CSMD1: variants seen among roughly 807,000 people sequenced by gnomAD.
The protein encoded by CSMD1 is CUB and sushi domain-containing protein 1.
Under a neutral mutation model 417.5 loss-of-function variants are expected in CSMD1, and 213 were observed. The observed-to-expected ratio is 0.51, with a 90% confidence interval of 0.46 to 0.57. The LOEUF (loss-of-function observed/expected upper bound fraction) is 0.57. CSMD1 is among the 20% of genes least tolerant of loss of function. The pLI, the probability that CSMD1 is intolerant of heterozygous loss-of-function variation, is 0.00. For missense variants in CSMD1, 6,923 were observed against 4,529.7 expected (o/e 1.53, Z -15.17); for synonymous variants, 2,862 against 1,736.8 (o/e 1.65, Z -16.11).
intron 2 of CSMD1, among the ~76,000 whole-genome samples, chr8:4,570,283 C>T (rs901978398): frequency 1.3e-5 from 2 of 152,084 alleles, no homozygotes; most frequent in Non-Finnish European, 2.9e-5. Context: ...GTTTGTCATA[C>T]ACAGCTCTTA....
chr8:4,581,951 G>T lies in CSMD1; in HGVS notation c.302+55391C>A, dbSNP rs563303516. ...CAGTCAGGTCAAAGAAAGAGTTGGG[G>T]CTAAGGAAGCATTTGATGGAAGACA... On this transcript the variant is annotated intron_variant, in intron 2 of 69. Coordinates refer to ENST00000635120, the MANE Select transcript of CSMD1 (RefSeq NM_033225.6). Among the ~76,000 whole-genome samples the T allele has an allele frequency of 7.9e-4, 121 of 152,292 alleles. 2 individuals carry two copies. In the South Asian group the frequency reaches 0.024, roughly 30 times the overall value.
chr8:4,400,123 A>G (rs971011405), intron 3 of CSMD1, among the ~76,000 whole-genome samples: 1 of 152,180 alleles, frequency 6.6e-6, no homozygotes, highest in Non-Finnish European at 1.5e-5. Context: ...TCTCTGCTCT[A>G]TAGTAATTTG....
intron 5 of CSMD1, among the ~76,000 whole-genome samples, chr8:3,976,076 T>TTG (rs1554504163): frequency 6.6e-6 from 1 of 151,652 alleles, no homozygotes; most frequent in Non-Finnish European, 1.5e-5. Context: ...TAAATTTTTT[T>TTG]GGGGGGGTCA....
intron 1 of CSMD1, among the ~76,000 whole-genome samples, chr8:4,842,920 A>G (rs1800924882): frequency 1.3e-5 from 2 of 152,226 alleles, no homozygotes; most frequent in African/African-American, 4.8e-5. Flanking sequence ...TAAAGGTTAT[A>G]TAATCCTGGA....
intron 1 of CSMD1, among the ~76,000 whole-genome samples, chr8:4,825,518 C>T (rs889985129): frequency 3.9e-5 from 6 of 151,992 alleles, no homozygotes; most frequent in Non-Finnish European, 7.4e-5. Flanking sequence ...CCCCTGGCCC[C>T]TGGTAAACAC....
intron 36 of CSMD1, chr8:3,182,974 G>A (rs904082863): frequency 1.3e-5 from 2 of 149,752 alleles, no homozygotes; most frequent in African/African-American, 2.5e-5. Context: ...TAGTTAGGAT[G>A]GTCTCGATCA....
At chr8:3,882,211 C>T (rs1019964729) in intron 5 of CSMD1, among the ~76,000 whole-genome samples, 6 of 151,550 alleles carry the variant, frequency 4.0e-5, no homozygotes, top group African/African-American at 1.5e-4. Context: ...AGAGAGACAA[C>T]CCATAAAGTG....
At chr8:3,230,262 G>C in intron 26 of CSMD1, 31 bp from the exon 27 acceptor site, 1 of 1,512,278 alleles carries the variant, frequency 6.6e-7, no homozygotes. Context: ...AAGGTCACAG[G>C]CTGGAAAACA....
intron 3 of CSMD1, among the ~76,000 whole-genome samples, chr8:4,183,514 C>G (rs1234727974): frequency 1.3e-5 from 2 of 152,182 alleles, no homozygotes; most frequent in East Asian, 1.9e-4. Context: ...CTATCATGCA[C>G]AGACATTACT....
chr8:4,669,608 T>C (rs1353166418), intron 1 of CSMD1, among the ~76,000 whole-genome samples: 1 of 152,210 alleles, frequency 6.6e-6, no homozygotes, highest in Admixed American at 6.5e-5. Flanking sequence ...AGCTACTAAG[T>C]ATTTCTGTTT....
chr8:3,808,576 A>G (rs4477054), intron 5 of CSMD1, among the ~76,000 whole-genome samples: 123,435 of 152,120 alleles, frequency 0.81, 50,260 homozygotes, highest in African/African-American at 0.86. Context: ...GAGAATCCTC[A>G]TGTTTGAAAA....
chr8:4,717,390 CATACATAT>C (rs71209118), intron 1 of CSMD1, among the ~76,000 whole-genome samples: 30,496 of 148,178 alleles, frequency 0.21, 4,279 homozygotes, highest in African/African-American at 0.4. Context: ...CACACATATA[CATACATAT>C]ATACATATAT....
chr8:4,467,287 A>G (rs1456068394), intron 2 of CSMD1, among the ~76,000 whole-genome samples: 1 of 152,196 alleles, frequency 6.6e-6, no homozygotes, highest in African/African-American at 2.4e-5. Context: ...AAACCAATTC[A>G]TGGCAAGGAA....
chr8:4,379,463 A>T (rs527259516), intron 3 of CSMD1, among the ~76,000 whole-genome samples: 1 of 152,190 alleles, frequency 6.6e-6, no homozygotes, highest in Non-Finnish European at 1.5e-5. Context: ...TGTCAACATT[A>T]ATGTCTTCAG....
rs1453262007 is a variant in CSMD1, at chr8:3,289,670, GTTGT to G, written c.3951-5328_3951-5325del. Among the ~76,000 whole-genome samples the G allele has an allele frequency of 3.0e-4, 42 of 139,926 alleles. 2 individuals carry two copies. Among genetic ancestry groups the G allele is most frequent in the Middle Eastern group, 3.6e-3 (1 of 278 alleles). The allele number at this position is 139,926 out of a possible 152,430, so 91.8% of individuals were successfully genotyped here. Reference sequence around the variant, plus strand: ...TATCCTTTGCCCACTTTTTGATGGGGTTGTTTGTTTTTTTCTTGAAAATTTGTTG... The same window carrying G: ...TATCCTTTGCCCACTTTTTGATGGGGTTGTTTTTTTCTTGAAAATTTGTTG... On this transcript the variant is annotated intron_variant, in intron 25 of 69. Transcript: ENST00000635120.
At chr8:3,963,633 C>T (rs1408346870) in intron 5 of CSMD1, among the ~76,000 whole-genome samples, 1 of 152,142 alleles carries the variant, frequency 6.6e-6, no homozygotes, top group East Asian at 1.9e-4. Flanking sequence ...TATATTGTTT[C>T]ATTTTTAAAT....
chr8:3,312,949 G>C (rs936610342), intron 23 of CSMD1, among the ~76,000 whole-genome samples: 1 of 152,198 alleles, frequency 6.6e-6, no homozygotes, highest in African/African-American at 2.4e-5. Flanking sequence ...CTTGCTGTGT[G>C]TTTAAAGACT....
chr8:3,286,715 G>A (rs950094370), intron 25 of CSMD1, among the ~76,000 whole-genome samples: 2 of 151,868 alleles, frequency 1.3e-5, no homozygotes, highest in Admixed American at 6.6e-5. Flanking sequence ...TGTAGATTCT[G>A]GTTATTAGCC....
At chr8:3,968,081 G>A (rs1812811191) in intron 5 of CSMD1, among the ~76,000 whole-genome samples, 1 of 151,182 alleles carries the variant, frequency 6.6e-6, no homozygotes, top group South Asian at 2.1e-4. Flanking sequence ...CAGCTCCTCG[G>A]CAGGCTGAGG....
Sources: allele counts gnomAD v4.1 joint callset (sites outside exome capture counted in the v4.1 genomes callset), GRCh38; gene constraint gnomAD v4.1.1; transcripts MANE v1.5; gene names NCBI Gene and HGNC (gene_info 2026-07-23, HGNC 2026-07-21).